Variants in TMEM74 observed in about 807,000 individuals in gnomAD.
TMEM74 encodes the protein transmembrane protein 74.
TMEM74 carries 13 observed loss-of-function variants against 18.1 expected under a neutral mutation model. The observed-to-expected ratio is 0.72, with a 90% confidence interval of 0.47 to 1.14. The LOEUF is 1.14. Among genes scored for constraint, TMEM74 ranks in the 50% most tolerant of loss-of-function variants. TMEM74 has a pLI of 0.00. For missense variants in TMEM74, 372 were observed against 375.9 expected (o/e 0.99, Z 0.09); for synonymous variants, 159 against 146.6 (o/e 1.08, Z -0.61).
chr8:108,766,756 G>A (rs1375111377), intron 1 of TMEM74, among the ~76,000 whole-genome samples: 3 of 152,164 alleles, frequency 2.0e-5, no homozygotes, highest in Non-Finnish European at 2.9e-5. Context: ...TGATCAGTCC[G>A]AGTCCCAAAA....
intron 1 of TMEM74, among the ~76,000 whole-genome samples, chr8:108,746,809 G>T (rs1586282329): frequency 6.6e-6 from 1 of 152,078 alleles, no homozygotes; most frequent in Admixed American, 6.6e-5. Flanking sequence ...AATCTCAAAA[G>T]GACAAGGTTC....
intron 1 of TMEM74, among the ~76,000 whole-genome samples, chr8:108,675,305 A>G (rs1389995038): frequency 6.6e-6 from 1 of 152,132 alleles, no homozygotes; most frequent in Admixed American, 6.6e-5. Flanking sequence ...CCTGAAACTA[A>G]AAGTAAAATC....
chr8:108,681,248 G>A (rs577943312), intron 1 of TMEM74, among the ~76,000 whole-genome samples: 1,589 of 152,186 alleles, frequency 0.01, 14 homozygotes, highest in South Asian at 0.02. Flanking sequence ...GAGGCATCAC[G>A]CTACCTGACT....
At chr8:108,699,607 G>A (rs1013794486) in intron 1 of TMEM74, among the ~76,000 whole-genome samples, 2 of 152,136 alleles carry the variant, frequency 1.3e-5, no homozygotes, top group Non-Finnish European at 2.9e-5. Context: ...TGGGCCTCCT[G>A]TTCTACTGTT....
At chr8:108,775,935 T>G (rs753368861), downstream of TMEM74, among the ~76,000 whole-genome samples, 2 of 152,216 alleles carry the variant, frequency 1.3e-5, no homozygotes, top group Non-Finnish European at 1.5e-5. Flanking sequence ...AAGTTCAATT[T>G]TTAGCAACTG....
intron 2 of TMEM74, among the ~76,000 whole-genome samples, chr8:108,645,700 A>T (rs1414035492): frequency 6.6e-6 from 1 of 152,110 alleles, no homozygotes; most frequent in Non-Finnish European, 1.5e-5. Context: ...TACCCAAAAC[A>T]TGGAGCACAG....
At position 108,736,233 on chromosome 8, in the gene TMEM74, T is replaced by G. The variant is rs375588692; in HGVS notation, n.119+51243A>C. Among the ~76,000 whole-genome samples the G allele has an allele frequency of 1.2e-4, 19 of 152,274 alleles. 2 individuals carry two copies. In the East Asian group the frequency reaches 1.4e-3, roughly 11 times the overall value. On this transcript the variant is annotated intron_variant and non_coding_transcript_variant, in intron 1 of 3. Coordinates refer to the TMEM74 transcript ENST00000518838. ...ATAAGAAAGTACTTTCTGTTGTATTTGAGCCATTTTATATTTGAGGTCTAC... is the reference window on the plus strand; with the variant it reads ...ATAAGAAAGTACTTTCTGTTGTATTGGAGCCATTTTATATTTGAGGTCTAC...
chr8:108,629,556 G>A (rs1041944255), intron 2 of TMEM74, among the ~76,000 whole-genome samples: 25 of 151,906 alleles, frequency 1.6e-4, no homozygotes, highest in Admixed American at 1.3e-3. Context: ...GTTGAAATGA[G>A]GGAAAAATTA....
At chr8:108,696,389 CTGTT>C (rs1458878955) in intron 1 of TMEM74, among the ~76,000 whole-genome samples, 1 of 152,202 alleles carries the variant, frequency 6.6e-6, no homozygotes, top group East Asian at 1.9e-4. Context: ...CTAATCAGAT[CTGTT>C]TGATCTCAAA....
intron 1 of TMEM74, among the ~76,000 whole-genome samples, chr8:108,750,833 T>A (rs767178772): frequency 4.3e-4 from 65 of 152,226 alleles, no homozygotes; most frequent in Non-Finnish European, 7.4e-4. Context: ...AGTCCTTGGA[T>A]CAAAGTTAAA....
At chr8:108,757,849 C>A (rs1457027992) in intron 1 of TMEM74, among the ~76,000 whole-genome samples, 1 of 152,060 alleles carries the variant, frequency 6.6e-6, no homozygotes, top group South Asian at 2.1e-4. Flanking sequence ...GTAGCTTACC[C>A]TCAAATCTAT....
chr8:108,608,576 G>A, intron 3 of TMEM74, among the ~76,000 whole-genome samples: 1 of 152,166 alleles, frequency 6.6e-6, no homozygotes, highest in Admixed American at 6.5e-5. Context: ...GCTCCTGCTG[G>A]TAAACTAATA....
intron 2 of TMEM74, among the ~76,000 whole-genome samples, chr8:108,626,297 C>A (rs186817591): frequency 2.0e-5 from 3 of 152,120 alleles, no homozygotes; most frequent in Admixed American, 2.0e-4. Context: ...TCATAAAATT[C>A]TGCTCTGAAT....
intron 2 of TMEM74, among the ~76,000 whole-genome samples, chr8:108,613,029 G>C (rs1432569617): frequency 6.6e-6 from 1 of 151,992 alleles, no homozygotes; most frequent in Admixed American, 6.6e-5. Context: ...TAAAAATAAA[G>C]AATTCAAAGA....
chr8:108,633,079 A>G (rs746652890), intron 2 of TMEM74, among the ~76,000 whole-genome samples: 9 of 152,036 alleles, frequency 5.9e-5, no homozygotes, highest in Non-Finnish European at 1.0e-4. Context: ...GACTTGCATG[A>G]AATAAAAACC....
chr8:108,785,936 A>G (rs938318582), intron 1 of TMEM74, among the ~76,000 whole-genome samples: 5 of 152,142 alleles, frequency 3.3e-5, no homozygotes, highest in Non-Finnish European at 7.4e-5. Flanking sequence ...CCTGCAAAAT[A>G]CAATGGGCCA....
chr8:108,785,625 T>C (rs1814375626), intron 1 of TMEM74, among the ~76,000 whole-genome samples: 1 of 152,190 alleles, frequency 6.6e-6, no homozygotes, highest in Non-Finnish European at 1.5e-5. Flanking sequence ...GAGCAAATTC[T>C]AATACAGATT....
In TMEM74 at chr8:108,761,957, A is replaced by G. The variant is rs143729737; in HGVS notation, n.119+25519T>C. Among the ~76,000 whole-genome samples, 112 of 152,328 alleles carry G rather than the reference A, an allele frequency of 7.4e-4. No homozygotes were observed. The East Asian group carries it at 0.019, about 26-fold the overall frequency. On this transcript the variant is annotated intron_variant and non_coding_transcript_variant, in intron 1 of 3. Coordinates refer to the TMEM74 transcript ENST00000518838. ...GTAAGGTTTTGGAATAAAGACCCTT[A>G]AAGACTCTTTCTCCACCTAATGCAA...
chr8:108,717,895 T>C (rs2130628406), intron 1 of TMEM74, among the ~76,000 whole-genome samples: 1 of 150,210 alleles, frequency 6.7e-6, no homozygotes, highest in Non-Finnish European at 1.5e-5. Flanking sequence ...TTGTTCTCAG[T>C]GAGATGGGGA....
Sources: allele counts gnomAD v4.1 joint callset (sites outside exome capture counted in the v4.1 genomes callset), GRCh38; gene constraint gnomAD v4.1.1; transcripts MANE v1.5; gene names NCBI Gene and HGNC (gene_info 2026-07-23, HGNC 2026-07-21).